CUL1: variants seen among roughly 807,000 people sequenced by gnomAD.
The protein encoded by CUL1 is cullin 1.
CUL1 carries 24 observed loss-of-function variants against 118.0 expected under a neutral mutation model. That is an observed-to-expected ratio of 0.20 (90% confidence interval 0.15 to 0.29). The LOEUF (loss-of-function observed/expected upper bound fraction) is 0.29. Among genes scored for constraint, CUL1 ranks in the 10% least tolerant of loss-of-function variants. The probability of loss-of-function intolerance (pLI) is 1.00; values close to 1 mark genes in which losing one functional copy is unlikely to be tolerated. For missense variants in CUL1, 361 were observed against 933.8 expected (o/e 0.39, Z 7.99); for synonymous variants, 332 against 340.4 (o/e 0.98, Z 0.27).
At chr7:148,752,493 G>A (rs975947606) in intron 2 of CUL1, among the ~76,000 whole-genome samples, 2 of 151,944 alleles carry the variant, frequency 1.3e-5, no homozygotes, top group Admixed American at 6.5e-5. Context: ...ATTTTATTAG[G>A]TTTGGGGGCA....
intron 9 of CUL1, among the ~76,000 whole-genome samples, chr7:148,776,789 G>A (rs1800417067): frequency 6.6e-6 from 1 of 152,068 alleles, no homozygotes; most frequent in African/African-American, 2.4e-5. Context: ...CCCTTGATTG[G>A]CTCAAGGCCA....
At chr7:148,710,564 C>T (rs1270470029) in intron 1 of CUL1, among the ~76,000 whole-genome samples, 3 of 152,254 alleles carry the variant, frequency 2.0e-5, no homozygotes. Flanking sequence ...AGCGAGACTC[C>T]GTCTCAGAAA....
rs773928325 is a variant in CUL1 at position 148,798,066 on chromosome 7, C to T, written c.2030+47C>T. The T allele has an allele frequency of 7.1e-6, 8 of 1,122,664 alleles. No homozygotes were observed. In the East Asian group the frequency reaches 1.5e-4, roughly 21 times the overall value. 69.5% of individuals were successfully genotyped at this position (1,122,664 alleles called of 1,614,324 possible). A position where few individuals can be genotyped will look rare whatever the true frequency, so the allele number is the denominator to read the frequency against. On this transcript the variant is annotated intron_variant, in intron 19 of 21. Coordinates refer to ENST00000325222, the MANE Select transcript of CUL1 (RefSeq NM_003592.3). ...GATGGCCCTTGACCATAGACACGTC[C>T]CCCGGGAGCCCTAGCACGGATCTCA...
chr7:148,724,481 C>A (rs111586600), intron 1 of CUL1, among the ~76,000 whole-genome samples: 1,893 of 152,262 alleles, frequency 0.012, 39 homozygotes, highest in African/African-American at 0.043. Flanking sequence ...AAAACTCATG[C>A]GGGCTCCGGG....
At position 148,756,961 on chromosome 7, in the gene CUL1, G is replaced by A. The variant is rs753156939; in HGVS notation, c.316-22G>A. 19 of 1,542,590 alleles carry A rather than the reference G, an allele frequency of 1.2e-5. No homozygotes were observed. The Admixed American group carries it at 3.1e-4, about 25-fold the overall frequency. ...AATGTGACAAATTAGTCATCTTAAA[G>A]CTTTAGTTAACTTGTTTTTAGGATG... is the stretch of plus-strand genomic sequence containing the variant. On this transcript the variant is annotated intron_variant, in intron 3 of 21. Transcript: ENST00000325222.
chr7:148,757,940 G>C (rs1289798022), intron 4 of CUL1, among the ~76,000 whole-genome samples: 6 of 152,194 alleles, frequency 3.9e-5, no homozygotes, highest in Admixed American at 1.3e-4. Flanking sequence ...CTCCCACTGG[G>C]TGCCTCCCGC....
chr7:148,703,658 G>A (rs1406885703), intron 1 of CUL1, among the ~76,000 whole-genome samples: 10 of 151,764 alleles, frequency 6.6e-5, no homozygotes, highest in African/African-American at 1.9e-4. Flanking sequence ...TCAGCCTCCC[G>A]AGTAGCTGGG....
chr7:148,760,587 A>T (rs1171479286), intron 7 of CUL1, 91 bp downstream of exon 7: 1 of 919,380 alleles, frequency 1.1e-6, no homozygotes, highest in African/African-American at 1.7e-5. Context: ...TTTCTTTACA[A>T]GTCATTTGTT....
intron 9 of CUL1, among the ~76,000 whole-genome samples, chr7:148,768,471 G>T (rs1441611789): frequency 1.4e-5 from 2 of 138,696 alleles, no homozygotes; most frequent in African/African-American, 5.4e-5. Context: ...TGCAACCTCC[G>T]CTTCCTGGGT....
In CUL1 at chr7:148,753,971, C is replaced by T. The variant is rs1471879131; in HGVS notation, c.141-5C>T. 6.3e-7 allele frequency: 1 copy of T among 1,580,388 alleles called. No individual in the cohort carries two copies. The highest frequency in any genetic ancestry group is 2.0e-5 in the Admixed American group (1 of 50,226). On this transcript the variant is annotated splice_polypyrimidine_tract_variant and splice_region_variant and intron_variant, in intron 2 of 21. Coordinates refer to ENST00000325222, the MANE Select transcript of CUL1 (RefSeq NM_003592.3). Reference sequence around the variant, plus strand: ...ATATGTTGGTTTCCTTAACTTTTCTCCAAGTCATGTTTATAACTACTGTAC... The same window carrying T: ...ATATGTTGGTTTCCTTAACTTTTCTTCAAGTCATGTTTATAACTACTGTAC...
intron 1 of CUL1, among the ~76,000 whole-genome samples, chr7:148,706,651 C>T (rs184278149): frequency 2.4e-5 from 3 of 126,688 alleles, no homozygotes; most frequent in South Asian, 2.7e-4. Flanking sequence ...GGGACTTTGC[C>T]CTATACAGGG....
chr7:148,798,084 G>C (rs189389121), intron 19 of CUL1, 65 bp downstream of exon 19: 8 of 935,720 alleles, frequency 8.5e-6, no homozygotes, highest in African/African-American at 5.0e-5. Context: ...GCCCTAGCAC[G>C]GATCTCAGTA....
At chr7:148,739,492 G>A (rs536751984) in intron 2 of CUL1, among the ~76,000 whole-genome samples, 10 of 152,286 alleles carry the variant, frequency 6.6e-5, no homozygotes, top group Admixed American at 2.0e-4. Flanking sequence ...CTTCGTGTCC[G>A]TTGAGCACCT....
chr7:148,785,767 C>G (rs948396335), intron 11 of CUL1, among the ~76,000 whole-genome samples: 1 of 152,114 alleles, frequency 6.6e-6, no homozygotes, highest in Non-Finnish European at 1.5e-5. Flanking sequence ...GACATTTCCA[C>G]AGCACCTCTT....
Position 148,798,732 on chromosome 7 carries a change from C to G in CUL1, c.2136+55C>G, listed in dbSNP as rs914752268. The G allele has an allele frequency of 1.1e-5, 16 of 1,443,024 alleles. No homozygotes were observed. In the Middle Eastern group the frequency reaches 5.2e-4, roughly 47 times the overall value. The allele number at this position is 1,443,024 out of a possible 1,614,324, so 89.4% of individuals were successfully genotyped here. A position where few individuals can be genotyped will look rare whatever the true frequency, so the allele number is the denominator to read the frequency against. ...TGCTGTCCCTCACGCAGGGATGGCT[C>G]GCAAGGACGGGCCGTGGGGGGTAGG... On this transcript the variant is annotated intron_variant, in intron 20 of 21. Coordinates refer to ENST00000325222, the MANE Select transcript of CUL1 (RefSeq NM_003592.3).
chr7:148,770,433 G>A (rs763446638), intron 9 of CUL1, among the ~76,000 whole-genome samples: 5 of 152,138 alleles, frequency 3.3e-5, no homozygotes, highest in Non-Finnish European at 5.9e-5. Flanking sequence ...ATTTACATAA[G>A]CACTGTTTCT....
In CUL1 at chr7:148,754,357, A is replaced by G. The variant is rs546358815; in HGVS notation, c.315+207A>G. Among the ~76,000 whole-genome samples the G allele has an allele frequency of 1.5e-4, 23 of 152,244 alleles. 1 individual carries two copies. In the South Asian group the frequency reaches 2.1e-3, roughly 14 times the overall value. Reference sequence around the variant, plus strand: ...TATTCTAGGGTTTTGTTTTTTCGAGATGGAGATCTCACTATGTTGCCCAGG... The same window carrying G: ...TATTCTAGGGTTTTGTTTTTTCGAGGTGGAGATCTCACTATGTTGCCCAGG... On this transcript the variant is annotated intron_variant, in intron 3 of 21. Coordinates refer to ENST00000325222, the MANE Select transcript of CUL1 (RefSeq NM_003592.3).
At chr7:148,775,503 A>G (rs1800364888) in intron 9 of CUL1, among the ~76,000 whole-genome samples, 2 of 152,218 alleles carry the variant, frequency 1.3e-5, no homozygotes. Context: ...AAAATTTTCT[A>G]TATTAAAACA....
intron 2 of CUL1, among the ~76,000 whole-genome samples, chr7:148,751,639 C>T (rs1799495687): frequency 6.6e-6 from 1 of 151,308 alleles, no homozygotes; most frequent in Non-Finnish European, 1.5e-5. Context: ...TTCTTTGCAG[C>T]TTTGTAAATA....
Sources: allele counts gnomAD v4.1 joint callset (sites outside exome capture counted in the v4.1 genomes callset), GRCh38; gene constraint gnomAD v4.1.1; transcripts MANE v1.5; gene names NCBI Gene and HGNC (gene_info 2026-07-23, HGNC 2026-07-21).